The following BCL2L1 variants were observed in gnomAD, a reference collection of about 807,000 sequenced individuals.
BCL2L1 encodes the protein bcl-2-like protein 1.
BCL2L1 carries 1 observed loss-of-function variant against 18.7 expected under a neutral mutation model. The ratio of observed to expected loss-of-function variants is 0.05; its 90% CI spans 0.02 to 0.25. The LOEUF (loss-of-function observed/expected upper bound fraction) is 0.25. Ranked by LOEUF, BCL2L1 falls within the 10% of genes least tolerant of loss-of-function variation. The probability of loss-of-function intolerance (pLI) is 1.00; values close to 1 mark genes in which losing one functional copy is unlikely to be tolerated. For synonymous variants in BCL2L1, 103 were observed against 122.7 expected (o/e 0.84, Z 1.06); for missense variants, 207 against 304.9 (o/e 0.68, Z 2.39).
At chr20:31,700,296 TC>T (rs2061255500) in intron 2 of BCL2L1, among the ~76,000 whole-genome samples, 1 of 152,104 alleles carries the variant, frequency 6.6e-6, no homozygotes, top group Non-Finnish European at 1.5e-5. Flanking sequence ...ACTTAACTCC[TC>T]CCCTCACTAT....
chr20:31,720,530 G>A (rs2061606358), intron 2 of BCL2L1: 1 of 985,250 alleles, frequency 1.0e-6, no homozygotes, highest in African/African-American at 1.7e-5. Context: ...AGTGACCACT[G>A]GTAAAGAAGC....
intron 2 of BCL2L1, among the ~76,000 whole-genome samples, chr20:31,718,655 CAAAAAAAAA>C (rs969020819): frequency 2.4e-4 from 16 of 66,152 alleles, no homozygotes; most frequent in African/African-American, 1.0e-3. Flanking sequence ...GACTCCGTCT[CAAAAAAAAA>C]AAAAAAAAGA....
chr20:31,683,450 A>C (rs2060897809), intron 2 of BCL2L1, among the ~76,000 whole-genome samples: 1 of 152,136 alleles, frequency 6.6e-6, no homozygotes. Flanking sequence ...CGGCCACCTA[A>C]TCACTCTCTG....
intron 2 of BCL2L1, chr20:31,720,563 CT>C: frequency 1.0e-6 from 1 of 985,436 alleles, no homozygotes; most frequent in Non-Finnish European, 1.2e-6. Flanking sequence ...CTCATCCTGG[CT>C]CAGTGATGGG....
Position 31,714,367 on chromosome 20 carries a change from T to C in BCL2L1, c.564+7288A>G, listed in dbSNP as rs896713134. On this transcript the variant is annotated intron_variant, in intron 2 of 2. Transcript: ENST00000307677. The stretch of plus-strand genomic sequence containing the variant: ...ACACCACCATTGCACACAAACACTG[T>C]GGAGCTCCTACTACAACAGAAATGC... Among the ~76,000 whole-genome samples the C allele has an allele frequency of 3.9e-5, 6 of 152,218 alleles. No individual in the cohort carries two copies. In the East Asian group the frequency reaches 9.6e-4, roughly 24 times the overall value.
upstream of BCL2L1, chr20:31,723,787 G>GCTTCCAGA (rs2061673794): frequency 1.0e-6 from 1 of 985,340 alleles, no homozygotes; most frequent in Admixed American, 6.1e-5. Context: ...CGGCCCGGTA[G>GCTTCCAGA]CTTCCAGACG....
chr20:31,723,540 C>T (rs550146262), upstream of BCL2L1: 4 of 984,620 alleles, frequency 4.1e-6, no homozygotes, highest in Non-Finnish European at 4.8e-6. Context: ...GGGTACCCGC[C>T]GAGCCACCGC....
At chr20:31,684,915 G>A (rs936267260) in intron 2 of BCL2L1, among the ~76,000 whole-genome samples, 1 of 152,212 alleles carries the variant, frequency 6.6e-6, no homozygotes, top group African/African-American at 2.4e-5. Context: ...AGGGAAGGCT[G>A]GGCCTTCTGA....
At position 31,720,670 on chromosome 20, in the gene BCL2L1, G is replaced by A. The variant is rs983894423; in HGVS notation, c.564+985C>T. 5 of 976,166 alleles carry A rather than the reference G, an allele frequency of 5.1e-6. No homozygotes were observed. In the African/African-American group the frequency reaches 8.8e-5, roughly 17 times the overall value. 60.5% of individuals were successfully genotyped at this position (976,166 alleles called of 1,614,324 possible). On this transcript the variant is annotated intron_variant, in intron 2 of 2. Coordinates refer to ENST00000307677, the MANE Select transcript of BCL2L1 (RefSeq NM_138578.3). ...TTTACAATACACTGTAAGGCAAGGA[G>A]AGCTTGCCACATTTTTTAGTGAAAG...
chr20:31,689,262 AAGGGGAGGGGGAGGGCAGGGGAGGGG>A (rs1568869262), intron 2 of BCL2L1, among the ~76,000 whole-genome samples: 1 of 912 alleles, frequency 1.1e-3, no homozygotes, highest in Non-Finnish European at 2.1e-3. Context: ...AAAGGGAGGG[AAGGGGAGGGGGAGGGCAGGGGAGGGG>A]AGGGAAGGAA....
intron 2 of BCL2L1, among the ~76,000 whole-genome samples, chr20:31,675,960 A>AGAAG (rs1272561324): frequency 1.3e-5 from 2 of 152,204 alleles, no homozygotes; most frequent in Non-Finnish European, 2.9e-5. Flanking sequence ...ATTAGTTCTA[A>AGAAG]GAAGCTGTGC....
chr20:31,696,351 G>A (rs1271882650), intron 2 of BCL2L1, among the ~76,000 whole-genome samples: 5 of 152,296 alleles, frequency 3.3e-5, no homozygotes, highest in Middle Eastern at 3.4e-3. Context: ...AGCGGTCAAC[G>A]TCCTTCCCTA....
chr20:31,665,170 G>A lies in BCL2L1; in HGVS notation c.*779C>T. 5.7e-6 allele frequency: 1 copy of A among 175,960 alleles called. No individual in the cohort carries two copies. Among genetic ancestry groups the A allele is most frequent in the Non-Finnish European group, 1.2e-5 (1 of 81,368 alleles). The allele number at this position is 175,960 out of a possible 1,614,324, so 10.9% of individuals were successfully genotyped here. On this transcript the variant is annotated 3_prime_UTR_variant, in exon 3 of 3. Coordinates refer to ENST00000307677, the MANE Select transcript of BCL2L1 (RefSeq NM_138578.3). ...TAAACAGCTCTGGGGCATCTGTCTT[G>A]GGCCCAGTTGGTCCCTCAGTATGGT...
chr20:31,703,507 T>G (rs2122718580), intron 2 of BCL2L1, among the ~76,000 whole-genome samples: 1 of 151,136 alleles, frequency 6.6e-6, no homozygotes, highest in East Asian at 2.0e-4. Context: ...TTTTTTTTTT[T>G]TGAGACAAGA....
intron 2 of BCL2L1, among the ~76,000 whole-genome samples, chr20:31,671,110 T>C (rs1359308995): frequency 6.6e-6 from 1 of 152,030 alleles, no homozygotes; most frequent in Non-Finnish European, 1.5e-5. Context: ...GGTAGCTGAC[T>C]TCCATGTGGG....
chr20:31,699,003 TC>T (rs1243853136), intron 2 of BCL2L1, among the ~76,000 whole-genome samples: 2 of 152,162 alleles, frequency 1.3e-5, no homozygotes, highest in Non-Finnish European at 2.9e-5. Context: ...TGTTTACCCA[TC>T]CTACAGTGCT....
At chr20:31,707,134 C>G (rs1167475973) in intron 2 of BCL2L1, among the ~76,000 whole-genome samples, 2 of 152,210 alleles carry the variant, frequency 1.3e-5, no homozygotes, top group African/African-American at 4.8e-5. Flanking sequence ...GCCCCATTGC[C>G]AAACGCCTAG....
At chr20:31,675,936 C>T (rs916090403) in intron 2 of BCL2L1, among the ~76,000 whole-genome samples, 1 of 152,176 alleles carries the variant, frequency 6.6e-6, no homozygotes, top group African/African-American at 2.4e-5. Flanking sequence ...TCCTCCTCCA[C>T]CTCCTCCCCC....
chr20:31,676,629 A>G (rs888338807), intron 2 of BCL2L1, among the ~76,000 whole-genome samples: 2 of 152,154 alleles, frequency 1.3e-5, no homozygotes, highest in African/African-American at 4.8e-5. Flanking sequence ...CACCCTTGGA[A>G]CAGAGTCGGA....
Sources: gnomAD v4.1 joint callset for allele counts (sites outside exome capture counted in the v4.1 genomes callset) on GRCh38, gnomAD v4.1.1 for gene constraint, MANE v1.5 for transcripts, NCBI Gene and HGNC (gene_info 2026-07-23, HGNC 2026-07-21) for gene names.